Variants in GRID2 observed in about 807,000 individuals in gnomAD.
The protein encoded by GRID2 is glutamate receptor ionotropic, delta-2.
In GRID2, 33 loss-of-function variants were observed where a neutral mutation model predicts 114.8. The observed-to-expected ratio is 0.29, with a 90% CI of 0.22 to 0.38. GRID2 has a LOEUF of 0.38. Among genes scored for constraint, GRID2 ranks in the 10% least tolerant of loss-of-function variants. The probability of loss-of-function intolerance (pLI) is 1.00; values close to 1 mark genes in which losing one functional copy is unlikely to be tolerated. For missense variants in GRID2, 1,184 were observed against 1,257.7 expected (o/e 0.94, Z 0.89); for synonymous variants, 505 against 449.9 (o/e 1.12, Z -1.55).
At chr4:92,675,365 A>C (rs1018266254) in intron 2 of GRID2, among the ~76,000 whole-genome samples, 1 of 152,074 alleles carries the variant, frequency 6.6e-6, no homozygotes, top group Non-Finnish European at 1.5e-5. Context: ...CAAAATTCAA[A>C]AATAATCACT....
At chr4:92,638,420 C>T (rs2169945) in intron 2 of GRID2, among the ~76,000 whole-genome samples, 52,287 of 146,408 alleles carry the variant, frequency 0.36, 9,339 homozygotes, top group South Asian at 0.44. Flanking sequence ...ATACAAGGGA[C>T]AAAATTATAT....
intron 1 of GRID2, among the ~76,000 whole-genome samples, chr4:92,521,640 G>A (rs929536385): frequency 6.6e-6 from 1 of 151,880 alleles, no homozygotes; most frequent in Non-Finnish European, 1.5e-5. Flanking sequence ...ATTTTTCCTG[G>A]AGGAAATGGT....
intron 1 of GRID2, among the ~76,000 whole-genome samples, chr4:92,334,565 G>C (rs909098007): frequency 6.6e-6 from 1 of 152,028 alleles, no homozygotes; most frequent in Non-Finnish European, 1.5e-5. Context: ...GAGAGGAAGA[G>C]AGCAAGAGGA....
chr4:93,011,935 T>C (rs1432708072), intron 2 of GRID2, among the ~76,000 whole-genome samples: 2 of 152,060 alleles, frequency 1.3e-5, no homozygotes, highest in Admixed American at 6.6e-5. Context: ...ATATGTACTA[T>C]AGAACATAGA....
At chr4:93,535,963 A>C (rs1732023933) in intron 13 of GRID2, among the ~76,000 whole-genome samples, 1 of 151,926 alleles carries the variant, frequency 6.6e-6, no homozygotes, top group Admixed American at 6.6e-5. Context: ...AGCCAAAAAT[A>C]TCTTAACATA....
intron 2 of GRID2, among the ~76,000 whole-genome samples, chr4:93,002,341 G>A (rs978797092): frequency 2.6e-5 from 4 of 151,550 alleles, no homozygotes; most frequent in African/African-American, 4.8e-5. Flanking sequence ...ATGTTCTACT[G>A]TAATACAAAA....
intron 2 of GRID2, among the ~76,000 whole-genome samples, chr4:92,773,316 G>T (rs79089481): frequency 6.6e-6 from 1 of 152,100 alleles, no homozygotes; most frequent in Non-Finnish European, 1.5e-5. Context: ...TAACAGATTA[G>T]GTTCTAGTTC....
chr4:92,987,765 A>AC (rs1282905353), intron 2 of GRID2, among the ~76,000 whole-genome samples: 1 of 151,826 alleles, frequency 6.6e-6, no homozygotes, highest in African/African-American at 2.4e-5. Flanking sequence ...TATTAAAACA[A>AC]AAAATATATA....
At chr4:93,409,411 G>T (rs1235445205) in intron 9 of GRID2, among the ~76,000 whole-genome samples, 1 of 152,120 alleles carries the variant, frequency 6.6e-6, no homozygotes, top group African/African-American at 2.4e-5. Context: ...CTTTAGTTAG[G>T]TAAGGGAAAG....
intron 2 of GRID2, among the ~76,000 whole-genome samples, chr4:92,635,868 T>C (rs1157446210): frequency 1.3e-5 from 2 of 152,116 alleles, no homozygotes; most frequent in African/African-American, 2.4e-5. Flanking sequence ...TAAGTATCCA[T>C]TTAACAATAT....
chr4:93,580,351 A>G (rs930028678), intron 13 of GRID2, among the ~76,000 whole-genome samples: 1 of 152,318 alleles, frequency 6.6e-6, no homozygotes, highest in East Asian at 1.9e-4. Context: ...AAAGTAGGCA[A>G]GTGGGGAGAG....
intron 8 of GRID2, among the ~76,000 whole-genome samples, chr4:93,289,715 T>A (rs1352889141): frequency 6.6e-6 from 1 of 152,216 alleles, no homozygotes; most frequent in Non-Finnish European, 1.5e-5. Context: ...ACCCTTAGTC[T>A]GTGTTGCTAA....
intron 1 of GRID2, among the ~76,000 whole-genome samples, chr4:92,360,412 G>T (rs573922149): frequency 6.6e-6 from 1 of 151,928 alleles, no homozygotes; most frequent in Admixed American, 6.6e-5. Flanking sequence ...GCATTCATGA[G>T]TTCGAATAAA....
intron 1 of GRID2, among the ~76,000 whole-genome samples, chr4:92,530,317 T>C: frequency 6.6e-6 from 1 of 151,934 alleles, no homozygotes; most frequent in East Asian, 1.9e-4. Flanking sequence ...TAAATAAGTC[T>C]CAGCATTACT....
intron 2 of GRID2, among the ~76,000 whole-genome samples, chr4:92,637,806 CT>C (rs1731145468): frequency 1.3e-5 from 2 of 152,036 alleles, no homozygotes; most frequent in South Asian, 4.1e-4. Context: ...CTAGTTCAGA[CT>C]TTTTTCCTTC....
chr4:93,590,806 T>C (rs1325488602), intron 13 of GRID2, among the ~76,000 whole-genome samples: 2 of 150,764 alleles, frequency 1.3e-5, no homozygotes, highest in Admixed American at 6.6e-5. Context: ...TATTTTATTC[T>C]CTTTGAAGCA....
intron 1 of GRID2, among the ~76,000 whole-genome samples, chr4:92,486,714 T>C (rs1722914737): frequency 6.6e-6 from 1 of 151,836 alleles, no homozygotes; most frequent in Admixed American, 6.6e-5. Flanking sequence ...CCAAAATATA[T>C]AAGAAACTCT....
Position 92,724,182 on chromosome 4 carries a change from C to T in GRID2, c.244+133896C>T, listed in dbSNP as rs191821272. Among the ~76,000 whole-genome samples the T allele has an allele frequency of 2.8e-3, 420 of 152,194 alleles. 1 individual carries two copies. Among genetic ancestry groups the T allele is most frequent in the Non-Finnish European group, 4.7e-3 (317 of 68,002 alleles). On this transcript the variant is annotated intron_variant, in intron 2 of 15. Transcript: ENST00000282020. Reference sequence around the variant, plus strand: ...CTCAATGATATTCAAAAAGGCGGTACCTTCTGCTGCCAACATAAGATAAAT... The same window carrying T: ...CTCAATGATATTCAAAAAGGCGGTATCTTCTGCTGCCAACATAAGATAAAT...
In GRID2 at chr4:92,660,392, A is replaced by T. The variant is rs61096601; in HGVS notation, c.244+70106A>T. 5.3e-3 allele frequency among the ~76,000 whole-genome samples: 810 copies of T among 151,402 alleles called. 6 individuals are homozygous for T. Among genetic ancestry groups the T allele is most frequent in the African/African-American group, 0.019 (778 of 41,464 alleles). On this transcript the variant is annotated intron_variant, in intron 2 of 15. Coordinates refer to ENST00000282020, the MANE Select transcript of GRID2 (RefSeq NM_001510.4). ...TGGTTCCAGTTTACAAACTGTCCAAAACGATGACTAAGAGAAGGTTCAAGT... is the reference window on the plus strand; with the variant it reads ...TGGTTCCAGTTTACAAACTGTCCAATACGATGACTAAGAGAAGGTTCAAGT...
Sources: allele counts gnomAD v4.1 joint callset (sites outside exome capture counted in the v4.1 genomes callset), GRCh38; gene constraint gnomAD v4.1.1; transcripts MANE v1.5; gene names NCBI Gene and HGNC (gene_info 2026-07-23, HGNC 2026-07-21).